PDE3B: variants seen among roughly 807,000 people sequenced by gnomAD.
PDE3B encodes phosphodiesterase 3B.
In PDE3B, 66 loss-of-function variants were observed where a neutral mutation model predicts 116.8. The ratio of observed to expected loss-of-function variants is 0.56; its 90% CI spans 0.46 to 0.69. PDE3B has a LOEUF of 0.69. PDE3B is among the 30% of genes least tolerant of loss of function. The pLI is 0.00. For missense variants in PDE3B, 1,384 were observed against 1,368.1 expected, an observed-to-expected ratio of 1.01 and a Z score of -0.18; for synonymous variants, 595 against 533.6, an observed-to-expected ratio of 1.12 and a Z score of -1.59.
intron 1 of PDE3B, among the ~76,000 whole-genome samples, chr11:14,736,011 A>G (rs1856588551): frequency 6.8e-6 from 1 of 146,520 alleles, no homozygotes; most frequent in South Asian, 2.1e-4. Flanking sequence ...CTTATTGTTG[A>G]TTGACACAGT....
rs188560409 is a variant in PDE3B, at chr11:14,830,988, A to T, written c.1956+142A>T. On this transcript the variant is annotated intron_variant, in intron 8 of 15. Coordinates refer to ENST00000282096, the MANE Select transcript of PDE3B (RefSeq NM_000922.4). Reference sequence around the variant, plus strand: ...TTACTTATAAGTCACTATAACTGAAATATTGCTTGGGTTACAAATAATACA... The same window carrying T: ...TTACTTATAAGTCACTATAACTGAATTATTGCTTGGGTTACAAATAATACA... 6.7e-4 allele frequency: 277 copies of T among 412,774 alleles called. 1 individual carries two copies. Among genetic ancestry groups the T allele is most frequent in the Non-Finnish European group, 1.1e-3 (251 of 237,194 alleles). The allele number at this position is 412,774 out of a possible 1,614,324, so 25.6% of individuals were successfully genotyped here. A position where few individuals can be genotyped will look rare whatever the true frequency, so the allele number is the denominator to read the frequency against.
At chr11:14,697,134 T>TA (rs1855229418) in intron 1 of PDE3B, among the ~76,000 whole-genome samples, 1 of 151,900 alleles carries the variant, frequency 6.6e-6, no homozygotes, top group Non-Finnish European at 1.5e-5. Flanking sequence ...GGTAGGGTCT[T>TA]ACCATGTTGC....
At chr11:14,854,146 A>T (rs1441069780) in intron 12 of PDE3B, among the ~76,000 whole-genome samples, 2 of 152,214 alleles carry the variant, frequency 1.3e-5, no homozygotes, top group Non-Finnish European at 2.9e-5. Context: ...CAGATAAAAC[A>T]AAAGTACCCA....
chr11:14,878,522 C>T, the PDE3B span, among the ~76,000 whole-genome samples: 1 of 152,104 alleles, frequency 6.6e-6, no homozygotes, highest in Admixed American at 6.6e-5. Flanking sequence ...TTTTGTAAGA[C>T]TTTAGTTCCA....
chr11:14,807,251 T>TATA (rs1192477516), intron 5 of PDE3B, among the ~76,000 whole-genome samples: 1 of 152,080 alleles, frequency 6.6e-6, no homozygotes, highest in Non-Finnish European at 1.5e-5. Context: ...GAACTTAAAG[T>TATA]ATAATAATAA....
intron 1 of PDE3B, among the ~76,000 whole-genome samples, chr11:14,677,509 G>A (rs1357052121): frequency 6.6e-6 from 1 of 152,020 alleles, no homozygotes; most frequent in Non-Finnish European, 1.5e-5. Flanking sequence ...CGAATCTTAA[G>A]TATTTACCTT....
downstream of PDE3B, among the ~76,000 whole-genome samples, chr11:14,873,939 C>A (rs987079028): frequency 6.6e-6 from 1 of 152,174 alleles, no homozygotes; most frequent in Non-Finnish European, 1.5e-5. Context: ...GCAATCCCAG[C>A]ACTTTGGGAG....
rs11023368 is a variant in PDE3B at position 14,869,429 on chromosome 11, T to A, written c.3140-32T>A. On this transcript the variant is annotated intron_variant, in intron 15 of 15. Transcript: ENST00000282096. ...GTTGAATGATTAAATCATATTGCTA[T>A]GATTAGAATATATTTATTTTAAATT... 4.7e-5 allele frequency: 73 copies of A among 1,568,770 alleles called. No homozygotes were observed. In the East Asian group the frequency reaches 1.0e-3, roughly 22 times the overall value.
chr11:14,672,362 T>TA (rs578070314), intron 1 of PDE3B, among the ~76,000 whole-genome samples: 4 of 151,984 alleles, frequency 2.6e-5, no homozygotes, highest in Non-Finnish European at 4.4e-5. Flanking sequence ...GAGATGGAAT[T>TA]AAAAAAATAC....
At chr11:14,655,046 A>G (rs1017902249) in intron 1 of PDE3B, among the ~76,000 whole-genome samples, 1 of 152,206 alleles carries the variant, frequency 6.6e-6, no homozygotes, top group Non-Finnish European at 1.5e-5. Flanking sequence ...ATCACAATAA[A>G]TATAGAAGCA....
At chr11:14,749,832 A>AAT (rs1240792174) in intron 1 of PDE3B, among the ~76,000 whole-genome samples, 73 of 140,802 alleles carry the variant, frequency 5.2e-4, no homozygotes, top group Non-Finnish European at 8.4e-4. Flanking sequence ...ATATCCCATA[A>AAT]ATATATATAT....
chr11:14,825,625 C>G (rs567756254), intron 7 of PDE3B, among the ~76,000 whole-genome samples: 1 of 151,892 alleles, frequency 6.6e-6, no homozygotes, highest in African/African-American at 2.4e-5. Context: ...CAGGAGTACC[C>G]AGATTTATAA....
At chr11:14,735,222 C>A (rs1856565080) in intron 1 of PDE3B, among the ~76,000 whole-genome samples, 1 of 152,012 alleles carries the variant, frequency 6.6e-6, no homozygotes, top group African/African-American at 2.4e-5. Context: ...TTTCTAGATA[C>A]AACAGAGGAA....
chr11:14,870,021 C>T lies in PDE3B; in HGVS notation c.*361C>T. The T allele has an allele frequency of 6.1e-6, 1 of 163,090 alleles. No homozygotes were observed. The highest frequency in any genetic ancestry group is 1.7e-4 in the East Asian group (1 of 5,884). 10.1% of individuals were successfully genotyped at this position (163,090 alleles called of 1,614,324 possible). On this transcript the variant is annotated 3_prime_UTR_variant, in exon 16 of 16. Transcript: ENST00000282096. The surrounding 1 kb of genome is among the most constrained non-coding windows in gnomAD (Gnocchi z 4.1). ...AACTAAAAACTCAAGTGACATATTT[C>T]AGTTACCAAAGTGGCCAGGAACTTT...
chr11:14,811,842 G>A (rs557010110), intron 5 of PDE3B, among the ~76,000 whole-genome samples: 79 of 152,282 alleles, frequency 5.2e-4, no homozygotes, highest in Non-Finnish European at 5.9e-4. Flanking sequence ...AGTTCTCCTT[G>A]AAGAGGTCCC....
At chr11:14,879,164 T>C in the PDE3B span, 152 of 1,613,138 alleles carry the variant, frequency 9.4e-5, no homozygotes, top group Middle Eastern at 1.5e-3. Flanking sequence ...TCCACTGCTG[T>C]CCAGAAATCG....
At chr11:14,676,902 T>C (rs1438046915) in intron 1 of PDE3B, among the ~76,000 whole-genome samples, 3 of 152,210 alleles carry the variant, frequency 2.0e-5, no homozygotes, top group Non-Finnish European at 2.9e-5. Context: ...AAATTTTTGC[T>C]TAAGCATCTC....
intron 15 of PDE3B, among the ~76,000 whole-genome samples, chr11:14,868,323 C>T (rs139832925): frequency 2.6e-5 from 4 of 152,310 alleles, no homozygotes; most frequent in Non-Finnish European, 5.9e-5. Context: ...CTTCATGTCA[C>T]TCCTTTTCAC....
At chr11:14,806,195 G>A (rs958486816) in intron 5 of PDE3B, among the ~76,000 whole-genome samples, 2 of 152,006 alleles carry the variant, frequency 1.3e-5, no homozygotes, top group African/African-American at 4.8e-5. Flanking sequence ...GTGCACGCCT[G>A]TAATCCCAGC....
Sources: gnomAD v4.1 joint callset for allele counts (sites outside exome capture counted in the v4.1 genomes callset) on GRCh38, gnomAD v4.1.1 for gene constraint, Gnocchi (gnomAD v3.1) non-coding constraint, MANE v1.5 for transcripts, NCBI Gene and HGNC (gene_info 2026-07-23, HGNC 2026-07-21) for gene names.